The following PTPRD variants were observed in gnomAD, a reference collection of about 807,000 sequenced individuals.
PTPRD encodes receptor-type tyrosine-protein phosphatase delta.
A neutral mutation model predicts 214.5 loss-of-function variants in PTPRD; 34 were observed. The ratio of observed to expected loss-of-function variants is 0.16; its 90% CI spans 0.12 to 0.21. The LOEUF is 0.21. Ranked by LOEUF, PTPRD falls within the 10% of genes least tolerant of loss-of-function variation. PTPRD has a pLI of 1.00. For synonymous variants in PTPRD, 1,128 were observed against 845.7 expected, an observed-to-expected ratio of 1.33 and a Z score of -5.79; for missense variants, 2,545 against 2,398.7, an observed-to-expected ratio of 1.06 and a Z score of -1.27.
intron 11 of PTPRD, among the ~76,000 whole-genome samples, chr9:8,806,436 T>C (rs566482389): frequency 1.3e-5 from 2 of 152,232 alleles, no homozygotes; most frequent in Admixed American, 6.5e-5. Context: ...AATGAACAGA[T>C]TCAAACCTAT....
chr9:8,908,543 T>A (rs1676631804), intron 11 of PTPRD, among the ~76,000 whole-genome samples: 1 of 151,982 alleles, frequency 6.6e-6, no homozygotes, highest in South Asian at 2.1e-4. Context: ...TACTTTGAAC[T>A]GAATGAAAAT....
intron 12 of PTPRD, among the ~76,000 whole-genome samples, chr9:8,670,246 T>C (rs541552722): frequency 1.3e-5 from 2 of 152,186 alleles, no homozygotes; most frequent in Admixed American, 1.3e-4. Flanking sequence ...ATTAGATATT[T>C]AGACTTGTTC....
chr9:10,303,889 T>A (rs1398955253), intron 3 of PTPRD, among the ~76,000 whole-genome samples: 1 of 152,024 alleles, frequency 6.6e-6, no homozygotes, highest in Non-Finnish European at 1.5e-5. Context: ...CAAAAAAAGA[T>A]GGAATCCTCC....
intron 7 of PTPRD, among the ~76,000 whole-genome samples, chr9:9,614,616 G>A (rs371894193): frequency 5.9e-5 from 9 of 152,270 alleles, no homozygotes; most frequent in South Asian, 4.1e-4. Context: ...TCAATAGACC[G>A]TAGCATCTCT....
chr9:10,479,662 C>CATACATAAATAAAT (rs1296695008), intron 2 of PTPRD, among the ~76,000 whole-genome samples: 2 of 52,596 alleles, frequency 3.8e-5, no homozygotes, highest in Admixed American at 2.7e-4. Context: ...AATAAATAAA[C>CATACATAAATAAAT]AAAAATACAA....
chr9:10,331,696 T>A (rs1015844341), intron 3 of PTPRD, among the ~76,000 whole-genome samples: 3 of 151,826 alleles, frequency 2.0e-5, no homozygotes, highest in Admixed American at 1.3e-4. Flanking sequence ...CCAAAAAGAC[T>A]CCCAACCTAT....
intron 3 of PTPRD, among the ~76,000 whole-genome samples, chr9:10,197,540 ATCTCTG>A (rs1335290293): frequency 6.6e-6 from 1 of 152,162 alleles, no homozygotes; most frequent in African/African-American, 2.4e-5. Context: ...AGGGAACTAT[ATCTCTG>A]TAAGAAATAA....
chr9:9,278,936 C>T (rs898707257), intron 9 of PTPRD, among the ~76,000 whole-genome samples: 12 of 151,306 alleles, frequency 7.9e-5, no homozygotes, highest in Non-Finnish European at 1.8e-4. Context: ...TGCTTTACTA[C>T]ATCTCTTTTC....
At chr9:8,599,541 C>T (rs1244601463) in intron 14 of PTPRD, among the ~76,000 whole-genome samples, 1 of 149,568 alleles carries the variant, frequency 6.7e-6, no homozygotes, top group Non-Finnish European at 1.5e-5. Context: ...ACACAAAATT[C>T]ACAGAAAACA....
At chr9:8,547,133 TA>T (rs2080413727) in intron 14 of PTPRD, among the ~76,000 whole-genome samples, 1 of 152,158 alleles carries the variant, frequency 6.6e-6, no homozygotes, top group Non-Finnish European at 1.5e-5. Flanking sequence ...TACAACCTTT[TA>T]AAAATATATA....
chr9:9,263,674 C>A (rs1339405618), intron 9 of PTPRD, among the ~76,000 whole-genome samples: 1 of 151,626 alleles, frequency 6.6e-6, no homozygotes, highest in African/African-American at 2.4e-5. Context: ...AAATTTTCAT[C>A]TGCTAGCCAC....
chr9:9,217,290 G>A (rs1249772344), intron 9 of PTPRD, among the ~76,000 whole-genome samples: 2 of 152,114 alleles, frequency 1.3e-5, no homozygotes, highest in East Asian at 3.9e-4. Context: ...AATTAAATGA[G>A]TATTTGTAGG....
chr9:9,525,547 A>C (rs1423605995), intron 8 of PTPRD, among the ~76,000 whole-genome samples: 1 of 152,328 alleles, frequency 6.6e-6, no homozygotes, highest in African/African-American at 2.4e-5. Context: ...ATAAATTATT[A>C]ATAATACTAA....
chr9:8,410,583 T>C (rs953237411), intron 35 of PTPRD, among the ~76,000 whole-genome samples: 4 of 152,178 alleles, frequency 2.6e-5, no homozygotes, highest in Admixed American at 6.5e-5. Context: ...ACTCTCAGTA[T>C]TAACAAATGA....
chr9:10,301,415 G>A lies in PTPRD; in HGVS notation c.-545+39548C>T, dbSNP rs576924473. On this transcript the variant is annotated intron_variant, in intron 3 of 45. Coordinates refer to ENST00000381196, the MANE Select transcript of PTPRD (RefSeq NM_002839.4). ...AAGGGAACAAAACTGGACGGAGAAT[G>A]AATTTGATGAATTGACAGAAGTAAG... 3.0e-3 allele frequency among the ~76,000 whole-genome samples: 462 copies of A among 152,288 alleles called. 1 individual carries two copies. The highest frequency in any genetic ancestry group is 0.01 in the African/African-American group (436 of 41,566).
At chr9:10,572,274 A>G (rs1360701125) in intron 2 of PTPRD, among the ~76,000 whole-genome samples, 1 of 152,148 alleles carries the variant, frequency 6.6e-6, no homozygotes, top group Non-Finnish European at 1.5e-5. Context: ...CAATCATTAC[A>G]ATGATAATCG....
At position 8,971,676 on chromosome 9, in the gene PTPRD, T is replaced by C. The variant is rs187837044; in HGVS notation, c.-104+47021A>G. On this transcript the variant is annotated intron_variant, in intron 11 of 45. Coordinates refer to ENST00000381196, the MANE Select transcript of PTPRD (RefSeq NM_002839.4). ...GGGGAAATCATCCTATCTAACGAGA[T>C]GACAGACAATGAAGTCAAACAATAA... 4.3e-3 allele frequency among the ~76,000 whole-genome samples: 648 copies of C among 151,670 alleles called. 1 individual carries two copies. The highest frequency in any genetic ancestry group is 0.014 in the African/African-American group (587 of 41,504).
intron 5 of PTPRD, among the ~76,000 whole-genome samples, chr9:9,806,726 T>G (rs953105740): frequency 1.3e-5 from 2 of 152,234 alleles, no homozygotes; most frequent in African/African-American, 4.8e-5. Flanking sequence ...CTAACAGTGA[T>G]CAGCAGCTTC....
intron 11 of PTPRD, among the ~76,000 whole-genome samples, chr9:8,776,530 TC>T (rs59066997): frequency 0.62 from 93,478 of 150,922 alleles, 29,541 homozygotes; most frequent in Middle Eastern, 0.71. Flanking sequence ...ACTCCTGGGC[TC>T]AAGCGATCTG....
Sources: gnomAD v4.1 joint callset for allele counts (sites outside exome capture counted in the v4.1 genomes callset) on GRCh38, gnomAD v4.1.1 for gene constraint, MANE v1.5 for transcripts, NCBI Gene and HGNC (gene_info 2026-07-23, HGNC 2026-07-21) for gene names.